SNTG2: variants seen among roughly 807,000 people sequenced by gnomAD.
The protein encoded by SNTG2 is syntrophin gamma 2, also known as gamma-2-syntrophin.
Under a neutral mutation model 70.9 loss-of-function variants are expected in SNTG2, and 74 were observed. The ratio of observed to expected loss-of-function variants is 1.04; its 90% CI spans 0.86 to 1.27. The LOEUF (loss-of-function observed/expected upper bound fraction) is 1.27. SNTG2 is among the 50% of genes most tolerant of loss of function. The pLI is 0.00. For synonymous variants in SNTG2, 278 were observed against 273.8 expected (o/e 1.02, Z -0.15); for missense variants, 717 against 690.7 (o/e 1.04, Z -0.43).
intron 6 of SNTG2, among the ~76,000 whole-genome samples, chr2:1,139,952 A>C (rs575839851): frequency 6.6e-6 from 1 of 152,212 alleles, no homozygotes; most frequent in Non-Finnish European, 1.5e-5. Context: ...ATATGTTTAC[A>C]TTCTTATGTG....
chr2:1,086,227 G>A (rs772640910), intron 2 of SNTG2, among the ~76,000 whole-genome samples: 1 of 152,204 alleles, frequency 6.6e-6, no homozygotes, highest in Non-Finnish European at 1.5e-5. Context: ...CTTCAATCAC[G>A]GAAACTGGTG....
chr2:1,156,905 G>GAA (rs1669935872), intron 6 of SNTG2, among the ~76,000 whole-genome samples: 1 of 151,280 alleles, frequency 6.6e-6, no homozygotes, highest in Non-Finnish European at 1.5e-5. Context: ...GTGATTGGAT[G>GAA]TGTGGCTGAG....
At chr2:1,076,140 G>GT (rs1663901314) in intron 1 of SNTG2, among the ~76,000 whole-genome samples, 1 of 152,198 alleles carries the variant, frequency 6.6e-6, no homozygotes, top group African/African-American at 2.4e-5. Flanking sequence ...GTATACAGAT[G>GT]TATTTCCATA....
At chr2:1,139,661 C>CA (rs1352945798) in intron 6 of SNTG2, among the ~76,000 whole-genome samples, 2 of 149,304 alleles carry the variant, frequency 1.3e-5, no homozygotes, top group African/African-American at 2.6e-5. Context: ...CCTGTCTCTA[C>CA]AAAAAATAAA....
At chr2:1,053,456 C>G (rs1382243961) in intron 1 of SNTG2, among the ~76,000 whole-genome samples, 2 of 151,522 alleles carry the variant, frequency 1.3e-5, no homozygotes, top group Non-Finnish European at 2.9e-5. Context: ...GACTGTTGAT[C>G]AGTATCACTC....
chr2:1,142,104 C>G (rs939645103), intron 6 of SNTG2, among the ~76,000 whole-genome samples: 1 of 152,204 alleles, frequency 6.6e-6, no homozygotes, highest in African/African-American at 2.4e-5. Flanking sequence ...AACTGACTCT[C>G]TCCCTGAAAT....
chr2:1,134,500 C>T (rs896255056), intron 4 of SNTG2, among the ~76,000 whole-genome samples: 6 of 151,244 alleles, frequency 4.0e-5, no homozygotes, highest in East Asian at 4.0e-4. Flanking sequence ...TACAGAGTGT[C>T]GATTGGTGCA....
chr2:955,346 G>A (rs1660107102), intron 1 of SNTG2, among the ~76,000 whole-genome samples: 1 of 152,174 alleles, frequency 6.6e-6, no homozygotes, highest in South Asian at 2.1e-4. Flanking sequence ...GCACCGAATC[G>A]TGTTATTATA....
chr2:1,329,511 T>C (rs1180797592), intron 16 of SNTG2, among the ~76,000 whole-genome samples: 1 of 152,156 alleles, frequency 6.6e-6, no homozygotes, highest in African/African-American at 2.4e-5. Flanking sequence ...GGTGCAGCTG[T>C]ATCTGTCAGG....
At chr2:1,110,682 G>T (rs530021487) in intron 4 of SNTG2, among the ~76,000 whole-genome samples, 7 of 152,158 alleles carry the variant, frequency 4.6e-5, no homozygotes, top group Non-Finnish European at 7.3e-5. Flanking sequence ...TCCTCACACC[G>T]CTGGGCCTTT....
At chr2:1,069,282 T>TG (rs1663360124) in intron 1 of SNTG2, among the ~76,000 whole-genome samples, 1 of 151,664 alleles carries the variant, frequency 6.6e-6, no homozygotes, top group African/African-American at 2.4e-5. Flanking sequence ...ATATATGATG[T>TG]GGGGCATTAA....
At chr2:1,285,615 A>C (rs866804094) in intron 14 of SNTG2, among the ~76,000 whole-genome samples, 5 of 152,376 alleles carry the variant, frequency 3.3e-5, no homozygotes, top group Middle Eastern at 3.4e-3. Context: ...TCTTAGTACA[A>C]GTGTATACAT....
intron 4 of SNTG2, among the ~76,000 whole-genome samples, chr2:1,128,478 A>G (rs1667837872): frequency 6.6e-6 from 1 of 152,188 alleles, no homozygotes; most frequent in Admixed American, 6.5e-5. Context: ...AACATAATGA[A>G]TATCTGCCTT....
intron 16 of SNTG2, among the ~76,000 whole-genome samples, chr2:1,334,893 C>T (rs952745737): frequency 1.3e-5 from 2 of 152,110 alleles, no homozygotes; most frequent in African/African-American, 4.8e-5. Context: ...TGCTAAACAA[C>T]TTAACCATGT....
In SNTG2 at chr2:1,169,098, A is replaced by T. The variant is rs145483687; in HGVS notation, c.499+3463A>T. On this transcript the variant is annotated intron_variant, in intron 7 of 16. Transcript: ENST00000308624. ...GAGCTCGGATGGGGGAGGAGGACTCACTTGTGAGGGGGCAGCGTGAGTGTC... is the reference window on the plus strand; with the variant it reads ...GAGCTCGGATGGGGGAGGAGGACTCTCTTGTGAGGGGGCAGCGTGAGTGTC... 7.8e-3 allele frequency among the ~76,000 whole-genome samples: 1,193 copies of T among 152,240 alleles called. 13 individuals carry two copies. Among genetic ancestry groups the T allele is most frequent in the African/African-American group, 0.027 (1,105 of 41,538 alleles).
chr2:1,350,207 T>G (rs1660504990), intron 16 of SNTG2, among the ~76,000 whole-genome samples: 2 of 152,138 alleles, frequency 1.3e-5, no homozygotes, highest in Non-Finnish European at 2.9e-5. Context: ...TGGTGATTCC[T>G]CAGAAAATGG....
chr2:1,330,754 C>A (rs144233852), intron 16 of SNTG2, among the ~76,000 whole-genome samples: 32 of 152,234 alleles, frequency 2.1e-4, no homozygotes, highest in African/African-American at 7.2e-4. Context: ...TCACATGGGT[C>A]CATTTACATA....
intron 14 of SNTG2, among the ~76,000 whole-genome samples, chr2:1,303,427 A>G (rs532677939): frequency 1.3e-5 from 2 of 152,340 alleles, no homozygotes; most frequent in South Asian, 4.1e-4. Context: ...ATAAAAAATA[A>G]TGAGGATATG....
At chr2:1,313,077 G>GGT (rs1681088033) in intron 15 of SNTG2, among the ~76,000 whole-genome samples, 1 of 152,070 alleles carries the variant, frequency 6.6e-6, no homozygotes, top group Non-Finnish European at 1.5e-5. Flanking sequence ...TTCCATGATC[G>GGT]GTGTGTTAAC....
Sources: gnomAD v4.1 joint callset for allele counts (sites outside exome capture counted in the v4.1 genomes callset) on GRCh38, gnomAD v4.1.1 for gene constraint, MANE v1.5 for transcripts, NCBI Gene and HGNC (gene_info 2026-07-23, HGNC 2026-07-21) for gene names.